Variants in CEACAM3 observed in about 807,000 individuals in gnomAD.
CEACAM3 encodes the protein cell adhesion molecule CEACAM3.
A neutral mutation model predicts 30.1 loss-of-function variants in CEACAM3; 32 were observed. The observed-to-expected ratio is 1.06, with a 90% CI of 0.80 to 1.43. The LOEUF is 1.43. Among genes scored for constraint, CEACAM3 ranks in the 40% most tolerant of loss-of-function variants. The pLI, the probability that CEACAM3 is intolerant of heterozygous loss-of-function variation, is 0.00. For missense variants in CEACAM3, 290 were observed against 316.3 expected, an observed-to-expected ratio of 0.92 and a Z score of 0.63; for synonymous variants, 134 against 127.2, an observed-to-expected ratio of 1.05 and a Z score of -0.36.
In CEACAM3 at chr19:41,811,527, A is replaced by G. The variant is rs2073250681; in HGVS notation, c.*290A>G. 1 of 427,836 alleles carries G rather than the reference A, an allele frequency of 2.3e-6. No individual in the cohort carries two copies. The highest frequency in any genetic ancestry group is 4.3e-6 in the Non-Finnish European group (1 of 230,058). The allele number at this position is 427,836 out of a possible 1,614,324, so 26.5% of individuals were successfully genotyped here. On this transcript the variant is annotated 3_prime_UTR_variant, in exon 7 of 7. Transcript: ENST00000357396. ...GCCCACCTGGGGTCACTTGGAAAGG[A>G]TCTGAATAAAGGGGACCCTTCCTCT...
rs1027950921 is a variant in CEACAM3, at chr19:41,806,982, C to G, written c.425-1831C>G. On this transcript the variant is annotated intron_variant, in intron 2 of 6. Coordinates refer to ENST00000357396, the MANE Select transcript of CEACAM3 (RefSeq NM_001815.5). ...GATTACAGGCGTGAGCCACCGCACC[C>G]GGCCTTGTCTTGGTCTTTTAAGGAG... 1.8e-5 allele frequency: 27 copies of G among 1,508,588 alleles called. 1 individual carries two copies. The highest frequency in any genetic ancestry group is 1.8e-6 in the Non-Finnish European group (2 of 1,123,884). The allele number at this position is 1,508,588 out of a possible 1,614,324, so 93.5% of individuals were successfully genotyped here.
intron 5 of CEACAM3, 129 bp from the exon 6 acceptor site, chr19:41,810,703 G>T: frequency 1.1e-6 from 1 of 884,368 alleles, no homozygotes. Flanking sequence ...GGGAGGCTGA[G>T]CTCAGGGGCA....
intron 5 of CEACAM3, 100 bp from the exon 6 acceptor site, chr19:41,810,732 G>A (rs2073242929): frequency 1.8e-6 from 2 of 1,113,148 alleles, no homozygotes; most frequent in African/African-American, 1.5e-5. Flanking sequence ...CACTCCTGAG[G>A]GGAAATGACC....
chr19:41,809,607 C>T (rs895808851), intron 3 of CEACAM3: 1 of 223,464 alleles, frequency 4.5e-6, no homozygotes. Context: ...GCGGTCCCCT[C>T]CGTGTCCTGC....
rs782584957 is a variant in CEACAM3, at chr19:41,808,762, C to A, written c.425-51C>A. ...CTTCCCTGCAAGGCCCCTGTGGTTT[C>A]CTCTGGGATAGACTTGGGCCTCTAT... is the stretch of plus-strand genomic sequence containing the variant. On this transcript the variant is annotated intron_variant, in intron 2 of 6. Transcript: ENST00000357396. 14 of 1,490,882 alleles carry A rather than the reference C, an allele frequency of 9.4e-6. 1 individual carries two copies. The South Asian group carries it at 1.6e-4, about 17-fold the overall frequency. 92.4% of individuals were successfully genotyped at this position (1,490,882 alleles called of 1,614,324 possible). A position where few individuals can be genotyped will look rare whatever the true frequency, so the allele number is the denominator to read the frequency against.
Position 41,806,863 on chromosome 19 carries a change from T to G in CEACAM3, c.425-1950T>G, listed in dbSNP as rs537490182. On this transcript the variant is annotated intron_variant, in intron 2 of 6. Coordinates refer to ENST00000357396, the MANE Select transcript of CEACAM3 (RefSeq NM_001815.5). ...CACCATGCCTGGCTAATTTTTTGTA[T>G]TTTTTAGTAGAGACGGGGTTTCACC... Among the ~76,000 whole-genome samples the G allele has an allele frequency of 4.6e-5, 7 of 152,136 alleles. No individual in the cohort carries two copies. The East Asian group carries it at 1.4e-3, about 29-fold the overall frequency.
intron 5 of CEACAM3, 75 bp downstream of exon 5, chr19:41,810,429 C>G: frequency 6.8e-7 from 1 of 1,480,210 alleles, no homozygotes; most frequent in Non-Finnish European, 9.2e-7. Context: ...GACCATCAGC[C>G]CCCCAGCACA....
At position 41,811,311 on chromosome 19, in the gene CEACAM3, A is replaced by G; in HGVS notation, c.*74A>G. The G allele has an allele frequency of 7.7e-7, 1 of 1,296,322 alleles. No homozygotes were observed. Among genetic ancestry groups the G allele is most frequent in the African/African-American group, 1.5e-5 (1 of 68,056 alleles). The allele number at this position is 1,296,322 out of a possible 1,614,324, so 80.3% of individuals were successfully genotyped here. Reference sequence around the variant, plus strand: ...CCCAGCCCTGGGGATGGGGAAGGACATGAAGCCTGAGCCAGAGAACCAGCT... The same window carrying G: ...CCCAGCCCTGGGGATGGGGAAGGACGTGAAGCCTGAGCCAGAGAACCAGCT... On this transcript the variant is annotated 3_prime_UTR_variant, in exon 7 of 7. Transcript: ENST00000357396.
intron 6 of CEACAM3, 23 bp downstream of exon 6, chr19:41,810,920 C>A (rs1463584433): frequency 1.2e-6 from 2 of 1,607,970 alleles, no homozygotes; most frequent in African/African-American, 2.7e-5. Context: ...CACGGATGTT[C>A]TGGTCCCACA....
chr19:41,802,675 G>A (rs932993482), intron 2 of CEACAM3, among the ~76,000 whole-genome samples: 11 of 152,186 alleles, frequency 7.2e-5, no homozygotes, highest in African/African-American at 2.7e-4. Flanking sequence ...AGGCAACAAA[G>A]ATCCCCTCCT....
rs150739425 is a variant in CEACAM3 at position 41,809,250 on chromosome 19, C to T, written c.542+320C>T. The T allele has an allele frequency of 3.5e-3, 1,001 of 289,384 alleles. 21 individuals carry two copies. Among genetic ancestry groups the T allele is most frequent in the East Asian group, 0.023 (321 of 13,924 alleles). The allele number at this position is 289,384 out of a possible 1,614,324, so 17.9% of individuals were successfully genotyped here. A position where few individuals can be genotyped will look rare whatever the true frequency, so the allele number is the denominator to read the frequency against. On this transcript the variant is annotated intron_variant, in intron 3 of 6. Transcript: ENST00000357396. ...GAAGTAGGGAGGGAGGGAGGGAGGG[C>T]GTGCTCTGTACTTGGTACCTCCCAT... is the stretch of plus-strand genomic sequence containing the variant.
intron 2 of CEACAM3, among the ~76,000 whole-genome samples, chr19:41,804,003 C>T (rs1163296034): frequency 1.3e-5 from 2 of 151,684 alleles, no homozygotes; most frequent in African/African-American, 2.4e-5. Context: ...ATTGCTTGAA[C>T]CTGGGAGGTA....
intron 2 of CEACAM3, among the ~76,000 whole-genome samples, chr19:41,805,908 C>A (rs2073194448): frequency 6.6e-6 from 1 of 152,226 alleles, no homozygotes; most frequent in Non-Finnish European, 1.5e-5. Flanking sequence ...ACATTAAGGA[C>A]TGAGGACAGA....
chr19:41,797,106 A>G (rs782310582), intron 1 of CEACAM3: 9 of 252,850 alleles, frequency 3.6e-5, no homozygotes, highest in Non-Finnish European at 5.3e-5. Context: ...TAACTCATCC[A>G]CCAGTATTTG....
At chr19:41,809,739 C>T (rs1445599744) in intron 3 of CEACAM3, 2 of 501,070 alleles carry the variant, frequency 4.0e-6, no homozygotes, top group South Asian at 2.7e-5. Flanking sequence ...GTTCTCCTGG[C>T]CCGGCATCTG....
chr19:41,799,893 C>T (rs1055664165), intron 2 of CEACAM3, among the ~76,000 whole-genome samples: 9 of 152,072 alleles, frequency 5.9e-5, no homozygotes, highest in Non-Finnish European at 1.3e-4. Flanking sequence ...TTCCTCTAAC[C>T]CCTGCCCCTA....
chr19:41,804,013 A>G (rs1415281663), intron 2 of CEACAM3, among the ~76,000 whole-genome samples: 3 of 151,900 alleles, frequency 2.0e-5, no homozygotes, highest in Non-Finnish European at 4.4e-5. Context: ...CCTGGGAGGT[A>G]GAGATTGTAG....
chr19:41,806,215 A>G (rs981401213), intron 2 of CEACAM3, among the ~76,000 whole-genome samples: 1 of 151,846 alleles, frequency 6.6e-6, no homozygotes, highest in Non-Finnish European at 1.5e-5. Context: ...TTTAGTAGAG[A>G]CTGGGTTTTT....
intron 2 of CEACAM3, chr19:41,807,554 G>A: frequency 7.7e-7 from 1 of 1,299,840 alleles, no homozygotes; most frequent in Middle Eastern, 3.3e-4. Flanking sequence ...ACCAAGAATA[G>A]GAGGGGAGAG....
Sources: gnomAD v4.1 joint callset for allele counts (sites outside exome capture counted in the v4.1 genomes callset) on GRCh38, gnomAD v4.1.1 for gene constraint, MANE v1.5 for transcripts, NCBI Gene and HGNC (gene_info 2026-07-23, HGNC 2026-07-21) for gene names.